ADAMTS17: variants seen among roughly 807,000 people sequenced by gnomAD.
ADAMTS17 encodes the protein A disintegrin and metalloproteinase with thrombospondin motifs 17.
In ADAMTS17, 113 loss-of-function variants were observed where a neutral mutation model predicts 141.5. The ratio of observed to expected loss-of-function variants is 0.80; its 90% confidence interval spans 0.69 to 0.93. The LOEUF (loss-of-function observed/expected upper bound fraction) is 0.93, where lower values mean the gene tolerates loss of function less well. Among genes scored for constraint, ADAMTS17 ranks in the 40% least tolerant of loss-of-function variants. The pLI is 0.00. For synonymous variants in ADAMTS17, 768 were observed against 630.6 expected (o/e 1.22, Z -3.27); for missense variants, 1,659 against 1,517.9 (o/e 1.09, Z -1.54).
At chr15:100,220,199 T>C (rs117853809) in intron 7 of ADAMTS17, among the ~76,000 whole-genome samples, 1,833 of 151,838 alleles carry the variant, frequency 0.012, 15 homozygotes, top group Non-Finnish European at 0.015. Flanking sequence ...CAGGCGTCCC[T>C]ACCAGCACAC....
rs961019828 is a variant in ADAMTS17 at position 100,175,200 on chromosome 15, T to C, written c.1182-19880A>G. Among the ~76,000 whole-genome samples the C allele has an allele frequency of 2.6e-5, 4 of 152,242 alleles. No homozygotes were observed. In the South Asian group the frequency reaches 8.3e-4, roughly 31 times the overall value. ...CTATGCCTTTTTAAAAAAGTAACTC[T>C]GATATTGCCTTTTATTTAAATGTCT... On this transcript the variant is annotated intron_variant, in intron 8 of 21. Transcript: ENST00000268070.
At position 100,215,079 on chromosome 15, in the gene ADAMTS17, G is replaced by A. The variant is rs536783872; in HGVS notation, c.1076-15656C>T. ...TCCAAAAACATAACAACCCAAGAAT[G>A]TGGACTGCTGTTTCCTGACCCCTGC... On this transcript the variant is annotated intron_variant, in intron 7 of 21. Transcript: ENST00000268070. 2.6e-4 allele frequency among the ~76,000 whole-genome samples: 39 copies of A among 152,332 alleles called. No individual in the cohort carries two copies. In the South Asian group the frequency reaches 8.1e-3, roughly 32 times the overall value.
chr15:100,152,379 G>C (rs1374627897), intron 10 of ADAMTS17, among the ~76,000 whole-genome samples: 2 of 151,746 alleles, frequency 1.3e-5, no homozygotes, highest in African/African-American at 2.4e-5. Context: ...GCATGTGTAG[G>C]TGTGTATGTG....
chr15:100,112,506 A>G (rs1398733113), intron 13 of ADAMTS17, among the ~76,000 whole-genome samples: 1 of 152,080 alleles, frequency 6.6e-6, no homozygotes, highest in Non-Finnish European at 1.5e-5. Context: ...ATCCCTCAAA[A>G]TTCTCTATTT....
chr15:100,106,887 T>C (rs1273215656), intron 14 of ADAMTS17, among the ~76,000 whole-genome samples: 1 of 152,212 alleles, frequency 6.6e-6, no homozygotes, highest in African/African-American at 2.4e-5. Context: ...GGCAGGGCCT[T>C]GGACATTCTT....
chr15:100,227,968 C>T (rs146452192), intron 7 of ADAMTS17, among the ~76,000 whole-genome samples: 140 of 152,252 alleles, frequency 9.2e-4, no homozygotes, highest in Non-Finnish European at 1.6e-3. Flanking sequence ...AACATGGCCA[C>T]GTCATCTGCC....
intron 7 of ADAMTS17, among the ~76,000 whole-genome samples, chr15:100,253,304 T>C: frequency 7.2e-6 from 1 of 139,808 alleles, no homozygotes; most frequent in Non-Finnish European, 1.5e-5. Flanking sequence ...AAACCAGACA[T>C]AACTGAGGAC....
intron 3 of ADAMTS17, among the ~76,000 whole-genome samples, chr15:100,302,657 C>T (rs1362104809): frequency 1.3e-5 from 2 of 152,162 alleles, no homozygotes; most frequent in African/African-American, 4.8e-5. Flanking sequence ...TGCTGAGCAT[C>T]TCTGCAGGTG....
At chr15:100,316,803 A>G (rs1370442239) in intron 3 of ADAMTS17, among the ~76,000 whole-genome samples, 1 of 152,210 alleles carries the variant, frequency 6.6e-6, no homozygotes, top group East Asian at 1.9e-4. Context: ...TCTCTCAGAG[A>G]TGAGGAAAGG....
chr15:100,049,125 G>A (rs1463927850), intron 17 of ADAMTS17, 133 bp from the exon 18 acceptor site: 2 of 1,356,264 alleles, frequency 1.5e-6, no homozygotes, highest in African/African-American at 2.9e-5. Flanking sequence ...TGCTGTAAAT[G>A]TCATGTGGGT....
chr15:100,041,105 C>A (rs1310765412), intron 18 of ADAMTS17, among the ~76,000 whole-genome samples: 6 of 152,178 alleles, frequency 3.9e-5, no homozygotes, highest in Non-Finnish European at 5.9e-5. Flanking sequence ...ACAAAATATG[C>A]TTTAATAAAA....
chr15:100,087,810 A>C (rs2140977248), intron 15 of ADAMTS17, among the ~76,000 whole-genome samples: 1 of 152,344 alleles, frequency 6.6e-6, no homozygotes, highest in Non-Finnish European at 1.5e-5. Context: ...AAAAACTCTC[A>C]ATAAATTAGG....
At chr15:99,986,723 T>G (rs576158971) in intron 20 of ADAMTS17, among the ~76,000 whole-genome samples, 2 of 152,330 alleles carry the variant, frequency 1.3e-5, no homozygotes, top group South Asian at 4.1e-4. Flanking sequence ...TCAGTGGTGA[T>G]TAATGCTCAG....
At chr15:100,304,290 G>A (rs923222605) in intron 3 of ADAMTS17, among the ~76,000 whole-genome samples, 1 of 152,252 alleles carries the variant, frequency 6.6e-6, no homozygotes, top group African/African-American at 2.4e-5. Context: ...CTGGGACCCC[G>A]TAACATGGAT....
In ADAMTS17 at chr15:100,180,348, G is replaced by A. The variant is rs151276727; in HGVS notation, c.1181+18970C>T. Among the ~76,000 whole-genome samples the A allele has an allele frequency of 2.6e-3, 391 of 152,124 alleles. 7 individuals are homozygous for A. In the East Asian group the frequency reaches 0.058, roughly 23 times the overall value. On this transcript the variant is annotated intron_variant, in intron 8 of 21. Transcript: ENST00000268070. ...CTGTAGATGTATGAATTTGTTTCTG[G>A]GTTCTCCATTCTGTTCCATTGCTCT... is the stretch of plus-strand genomic sequence containing the variant.
Position 100,308,789 on chromosome 15 carries a change from A to G in ADAMTS17, c.616+22100T>C, listed in dbSNP as rs928335797. 7.9e-5 allele frequency among the ~76,000 whole-genome samples: 12 copies of G among 152,266 alleles called. No individual in the cohort carries two copies. In the East Asian group the frequency reaches 2.3e-3, roughly 29 times the overall value. On this transcript the variant is annotated intron_variant, in intron 3 of 21. Coordinates refer to ENST00000268070, the MANE Select transcript of ADAMTS17 (RefSeq NM_139057.4). ...GGGGAGTCTGACTAAGCAGCAGGAA[A>G]GGCCACCCCAGGGGACACAGAGGGA... is the stretch of plus-strand genomic sequence containing the variant.
intron 7 of ADAMTS17, among the ~76,000 whole-genome samples, chr15:100,219,929 C>A (rs4965288): frequency 0.15 from 23,437 of 152,176 alleles, 1,901 homozygotes; most frequent in Admixed American, 0.18. Context: ...GTGCCAAAAA[C>A]CGCAATAAGC....
In ADAMTS17 at chr15:100,203,633, A is replaced by G. The variant is rs2041423372; in HGVS notation, c.1076-4210T>C. 2.0e-5 allele frequency among the ~76,000 whole-genome samples: 3 copies of G among 152,200 alleles called. No individual in the cohort carries two copies. In the South Asian group the frequency reaches 6.2e-4, roughly 32 times the overall value. On this transcript the variant is annotated intron_variant, in intron 7 of 21. Transcript: ENST00000268070. ...GGCAGGAGAATGGCATGAACCTGGG[A>G]GGTGGAGCTTGCAGTGAGCCGAGAT...
chr15:100,247,387 A>T (rs2043020912), intron 7 of ADAMTS17, among the ~76,000 whole-genome samples: 1 of 152,176 alleles, frequency 6.6e-6, no homozygotes, highest in Admixed American at 6.5e-5. Context: ...CCCAGCAAAG[A>T]ACACTTTTGA....
Sources: gnomAD v4.1 joint callset for allele counts (sites outside exome capture counted in the v4.1 genomes callset) on GRCh38, gnomAD v4.1.1 for gene constraint, MANE v1.5 for transcripts, NCBI Gene and HGNC (gene_info 2026-07-23, HGNC 2026-07-21) for gene names.